The following PKP4 variants were observed in gnomAD, a reference collection of about 807,000 sequenced individuals.
PKP4 encodes the protein plakophilin 4, also known as plakophilin-4.
PKP4 carries 90 observed loss-of-function variants against 145.1 expected under a neutral mutation model. The observed-to-expected ratio is 0.62, with a 90% CI of 0.52 to 0.74. The LOEUF (loss-of-function observed/expected upper bound fraction) is 0.74. Ranked by LOEUF, PKP4 falls within the 30% of genes least tolerant of loss-of-function variation. The pLI is 0.00. For synonymous variants in PKP4, 563 were observed against 577.2 expected (o/e 0.98, Z 0.35); for missense variants, 1,340 against 1,482.7 (o/e 0.90, Z 1.58).
chr2:158,673,440 G>A (rs1441380852), intron 17 of PKP4, among the ~76,000 whole-genome samples: 1 of 152,198 alleles, frequency 6.6e-6, no homozygotes, highest in Non-Finnish European at 1.5e-5. Context: ...GGCCACAGCT[G>A]CTCCACAGAG....
intron 1 of PKP4, among the ~76,000 whole-genome samples, chr2:158,486,221 A>G (rs978012811): frequency 1.1e-4 from 16 of 152,222 alleles, no homozygotes; most frequent in African/African-American, 3.9e-4. Context: ...ATATGTGGAT[A>G]TGATATAAGG....
chr2:158,564,053 T>G (rs1007637343), intron 2 of PKP4, among the ~76,000 whole-genome samples: 7 of 152,084 alleles, frequency 4.6e-5, no homozygotes, highest in African/African-American at 1.2e-4. Flanking sequence ...TCAATTTTAA[T>G]TACAGAAATT....
In PKP4 at chr2:158,467,549, CA is replaced by C. The variant is rs70994208; in HGVS notation, c.-6+10346del. Among the ~76,000 whole-genome samples the C allele has an allele frequency of 8.4e-3, 1,075 of 127,854 alleles. 7 individuals are homozygous for C. The highest frequency in any genetic ancestry group is 0.013 in the Non-Finnish European group (779 of 62,020). The allele number at this position is 127,854 out of a possible 152,430, so 83.9% of individuals were successfully genotyped here. A position where few individuals can be genotyped will look rare whatever the true frequency, so the allele number is the denominator to read the frequency against. ...CCTGGGTGAGAGAGTGAGACCTTGT[CA>C]AAAAAAAAAAAAAATGTGGGCACGG... On this transcript the variant is annotated intron_variant, in intron 1 of 21. Transcript: ENST00000389759.
chr2:158,635,643 A>G (rs958085815), intron 9 of PKP4, among the ~76,000 whole-genome samples: 1 of 152,190 alleles, frequency 6.6e-6, no homozygotes, highest in Non-Finnish European at 1.5e-5. Context: ...CTCTAATGTG[A>G]GTTGATTCTC....
chr2:158,661,209 G>A (rs1158783244), intron 12 of PKP4, 124 bp from the exon 13 acceptor site: 4 of 656,608 alleles, frequency 6.1e-6, no homozygotes, highest in East Asian at 2.7e-5. Flanking sequence ...AGCCCCCAGT[G>A]CCTCCTCCGA....
chr2:158,533,108 C>CGATG (rs1559285629), intron 1 of PKP4, 72 bp from the exon 2 acceptor site: 9 of 1,444,226 alleles, frequency 6.2e-6, no homozygotes, highest in Non-Finnish European at 8.3e-6. Flanking sequence ...TTGCTAGGAA[C>CGATG]CATCTGTAAA....
At chr2:158,467,024 T>C (rs995120694) in intron 1 of PKP4, among the ~76,000 whole-genome samples, 1 of 152,228 alleles carries the variant, frequency 6.6e-6, no homozygotes, top group African/African-American at 2.4e-5. Context: ...ATTGGTACTA[T>C]AAAATTACAT....
At chr2:158,624,557 T>G (rs1168069910) in intron 6 of PKP4, among the ~76,000 whole-genome samples, 1 of 152,170 alleles carries the variant, frequency 6.6e-6, no homozygotes, top group Admixed American at 6.5e-5. Flanking sequence ...GAATAAAACA[T>G]TTTATGTGCT....
intron 17 of PKP4, among the ~76,000 whole-genome samples, chr2:158,672,644 G>A (rs759695531): frequency 6.6e-6 from 1 of 152,182 alleles, no homozygotes; most frequent in Non-Finnish European, 1.5e-5. Context: ...TTTCTTTGGG[G>A]TATTTAGCTA....
intron 1 of PKP4, among the ~76,000 whole-genome samples, chr2:158,493,672 G>A (rs115760847): frequency 1.9e-3 from 295 of 152,318 alleles, no homozygotes; most frequent in African/African-American, 6.7e-3. Context: ...GGTCTCAAGA[G>A]GCTTCTAGTC....
At chr2:158,629,890 T>C (rs923308042) in intron 7 of PKP4, among the ~76,000 whole-genome samples, 3 of 152,092 alleles carry the variant, frequency 2.0e-5, no homozygotes, top group African/African-American at 7.2e-5. Flanking sequence ...CCTGCCACCA[T>C]GCCCAGCTAA....
chr2:158,539,538 T>A (rs2044337497), intron 2 of PKP4, among the ~76,000 whole-genome samples: 2 of 152,240 alleles, frequency 1.3e-5, no homozygotes, highest in Admixed American at 6.5e-5. Flanking sequence ...ACTAGAAGTC[T>A]TGTGCTGTAA....
At chr2:158,596,320 C>T (rs1020723987) in intron 3 of PKP4, among the ~76,000 whole-genome samples, 7 of 151,912 alleles carry the variant, frequency 4.6e-5, no homozygotes, top group South Asian at 2.1e-4. Flanking sequence ...TAAACGTGGG[C>T]GTTTTTAAAC....
At chr2:158,554,511 C>T (rs545961568) in intron 2 of PKP4, among the ~76,000 whole-genome samples, 17 of 151,526 alleles carry the variant, frequency 1.1e-4, no homozygotes, top group African/African-American at 2.9e-4. Flanking sequence ...CTGCAAGCTC[C>T]GCCTTCCAGG....
chr2:158,554,184 G>GTAGCCTTT (rs1207320637), intron 2 of PKP4, among the ~76,000 whole-genome samples: 1 of 149,826 alleles, frequency 6.7e-6, no homozygotes, highest in Non-Finnish European at 1.5e-5. Flanking sequence ...CTGACATTCA[G>GTAGCCTTT]TAGCCTTCTG....
chr2:158,487,856 A>G (rs550839809), intron 1 of PKP4, among the ~76,000 whole-genome samples: 4 of 152,032 alleles, frequency 2.6e-5, no homozygotes, highest in Non-Finnish European at 5.9e-5. Context: ...TGACAAGGGA[A>G]TGTGTTTTTT....
Position 158,488,194 on chromosome 2 carries a change from T to A in PKP4, c.-6+30976T>A, listed in dbSNP as rs1167174665. On this transcript the variant is annotated intron_variant, in intron 1 of 21. Coordinates refer to ENST00000389759, the MANE Select transcript of PKP4 (RefSeq NM_003628.6). ...TCATGAAACCAAATTATAAAAAAAA[T>A]TGGAGGCAAGGGGTGAAAGATCTAG... is the stretch of plus-strand genomic sequence containing the variant. Among the ~76,000 whole-genome samples the A allele has an allele frequency of 4.6e-5, 7 of 152,264 alleles. No individual in the cohort carries two copies. The South Asian group carries it at 1.5e-3, about 32-fold the overall frequency.
At chr2:158,590,661 A>G (rs1024294735) in intron 3 of PKP4, among the ~76,000 whole-genome samples, 5 of 152,170 alleles carry the variant, frequency 3.3e-5, no homozygotes, top group Admixed American at 1.3e-4. Context: ...CAACTGAAAT[A>G]GTATTATATC....
intron 3 of PKP4, chr2:158,578,206 G>T: frequency 4.0e-6 from 1 of 250,208 alleles, no homozygotes; most frequent in Non-Finnish European, 8.7e-6. Context: ...ACTTCTTAGT[G>T]AATAGAATTC....
Sources: allele counts gnomAD v4.1 joint callset (sites outside exome capture counted in the v4.1 genomes callset), GRCh38; gene constraint gnomAD v4.1.1; transcripts MANE v1.5; gene names NCBI Gene and HGNC (gene_info 2026-07-23, HGNC 2026-07-21).